BABAM2: variants seen among roughly 807,000 people sequenced by gnomAD.
BABAM2 encodes the protein BRISC and BRCA1-A complex member 2.
Under a neutral mutation model 54.7 loss-of-function variants are expected in BABAM2, and 31 were observed. That is an observed-to-expected ratio of 0.57 (90% CI 0.43 to 0.77). BABAM2 has a LOEUF of 0.77. BABAM2 is among the 30% of genes least tolerant of loss of function. The pLI is 0.00. For missense variants in BABAM2, 364 were observed against 455.8 expected, an observed-to-expected ratio of 0.80 and a Z score of 1.83; for synonymous variants, 167 against 162.9, an observed-to-expected ratio of 1.03 and a Z score of -0.19.
chr2:28,240,167 C>T (rs1415445209), intron 8 of BABAM2, among the ~76,000 whole-genome samples: 1 of 151,564 alleles, frequency 6.6e-6, no homozygotes, highest in Non-Finnish European at 1.5e-5. Flanking sequence ...GTCGCCCAGG[C>T]TGGGGTGCAG....
intron 2 of BABAM2, among the ~76,000 whole-genome samples, chr2:27,926,103 T>C (rs1165856190): frequency 2.0e-5 from 3 of 152,034 alleles, no homozygotes; most frequent in Admixed American, 6.6e-5. Flanking sequence ...CTTTTTTTTT[T>C]TTTCTGTACA....
chr2:28,183,898 C>T (rs111354745), intron 7 of BABAM2, among the ~76,000 whole-genome samples: 4 of 152,068 alleles, frequency 2.6e-5, no homozygotes, highest in Non-Finnish European at 5.9e-5. Context: ...AGTTGTTTTT[C>T]GTCTCCTTTG....
At chr2:27,910,773 T>C (rs2148303597) in intron 2 of BABAM2, among the ~76,000 whole-genome samples, 1 of 152,358 alleles carries the variant, frequency 6.6e-6, no homozygotes, top group Admixed American at 6.5e-5. Context: ...TTTTTCTGGC[T>C]GAGCAATGAG....
intron 7 of BABAM2, among the ~76,000 whole-genome samples, chr2:28,160,193 G>A (rs1440310562): frequency 6.6e-6 from 1 of 152,018 alleles, no homozygotes; most frequent in Non-Finnish European, 1.5e-5. Context: ...AGTTGCTCAG[G>A]CCAGTCTTGA....
At chr2:28,040,307 T>TTTTTTTTTTTTTTC (rs1676982364) in intron 5 of BABAM2, among the ~76,000 whole-genome samples, 1 of 109,422 alleles carries the variant, frequency 9.1e-6, no homozygotes, top group African/African-American at 3.4e-5. Context: ...TTTTTTTTTT[T>TTTTTTTTTTTTTTC]TTTTTTTTTT....
At chr2:28,266,019 A>G (rs112344307) in intron 10 of BABAM2, among the ~76,000 whole-genome samples, 4,146 of 151,086 alleles carry the variant, frequency 0.027, 167 homozygotes, top group African/African-American at 0.096. Flanking sequence ...GGGACTCACT[A>G]TGTTGCCCAG....
At chr2:27,959,874 T>A (rs1046400228) in intron 3 of BABAM2, among the ~76,000 whole-genome samples, 3 of 152,174 alleles carry the variant, frequency 2.0e-5, no homozygotes, top group Non-Finnish European at 4.4e-5. Context: ...CTAGAGCTTG[T>A]GTGTCTTTAA....
At chr2:28,013,533 A>G (rs756704163) in intron 4 of BABAM2, among the ~76,000 whole-genome samples, 3 of 152,026 alleles carry the variant, frequency 2.0e-5, no homozygotes, top group Non-Finnish European at 4.4e-5. Context: ...CCCAAGACAT[A>G]TGTCCTCCTC....
At chr2:28,145,900 G>A (rs1219002773) in intron 7 of BABAM2, among the ~76,000 whole-genome samples, 1 of 152,072 alleles carries the variant, frequency 6.6e-6, no homozygotes, top group Non-Finnish European at 1.5e-5. Flanking sequence ...GTTTTAGCAT[G>A]TATCAATACT....
chr2:27,897,538 C>CT (rs899445826), intron 2 of BABAM2, among the ~76,000 whole-genome samples: 55 of 146,170 alleles, frequency 3.8e-4, no homozygotes, highest in East Asian at 4.0e-4. Context: ...ACAGTTTTAA[C>CT]TTTTTTTTTT....
At chr2:28,157,848 A>C (rs1029865364) in intron 7 of BABAM2, among the ~76,000 whole-genome samples, 4 of 152,126 alleles carry the variant, frequency 2.6e-5, no homozygotes, top group Non-Finnish European at 4.4e-5. Flanking sequence ...TGACCTCGTG[A>C]TCTGCCAGCC....
chr2:28,170,180 T>G (rs921889880), intron 7 of BABAM2, among the ~76,000 whole-genome samples: 6 of 152,120 alleles, frequency 3.9e-5, no homozygotes, highest in Admixed American at 3.3e-4. Flanking sequence ...GGTGATAATT[T>G]ATTAAAACAG....
At chr2:28,320,127 C>A (rs569323735) in intron 11 of BABAM2, among the ~76,000 whole-genome samples, 22 of 152,330 alleles carry the variant, frequency 1.4e-4, no homozygotes, top group South Asian at 1.2e-3. Context: ...TGAAAGACTC[C>A]TGTCCTACCC....
At chr2:27,992,680 G>A (rs2148495016) in intron 4 of BABAM2, among the ~76,000 whole-genome samples, 1 of 152,230 alleles carries the variant, frequency 6.6e-6, no homozygotes, top group South Asian at 2.1e-4. Flanking sequence ...AAATAATCTA[G>A]AAGAAGTTAA....
chr2:28,115,518 C>T (rs370322569), intron 6 of BABAM2, among the ~76,000 whole-genome samples: 12 of 151,860 alleles, frequency 7.9e-5, no homozygotes, highest in Admixed American at 4.6e-4. Flanking sequence ...CCCAGCTACT[C>T]GGGAGGCGGA....
chr2:28,172,635 A>T (rs1160894607), intron 7 of BABAM2, among the ~76,000 whole-genome samples: 2 of 152,146 alleles, frequency 1.3e-5, no homozygotes, highest in Non-Finnish European at 2.9e-5. Context: ...TTCTCAGAGT[A>T]CTGTGTGTAT....
At chr2:27,993,478 C>T (rs926954092) in intron 4 of BABAM2, among the ~76,000 whole-genome samples, 12 of 151,986 alleles carry the variant, frequency 7.9e-5, no homozygotes, top group African/African-American at 2.4e-4. Context: ...TGATTTTCAG[C>T]CTTTGTTTTG....
At chr2:27,902,426 G>T (rs1298201010) in intron 2 of BABAM2, among the ~76,000 whole-genome samples, 1 of 152,152 alleles carries the variant, frequency 6.6e-6, no homozygotes, top group Non-Finnish European at 1.5e-5. Flanking sequence ...TATATTCCTA[G>T]AAATAGAATT....
At position 27,943,149 on chromosome 2, in the gene BABAM2, G is replaced by A. The variant is rs1047825885; in HGVS notation, c.205+13241G>A. Reference sequence around the variant, plus strand: ...CCAAAAGCTGGCCGTTGTGACTATAGCTGTTGGCATTTTTGTTGGGATGAC... The same window carrying A: ...CCAAAAGCTGGCCGTTGTGACTATAACTGTTGGCATTTTTGTTGGGATGAC... On this transcript the variant is annotated intron_variant, in intron 3 of 11. Coordinates refer to ENST00000379624, the MANE Select transcript of BABAM2 (RefSeq NM_199191.3). Among the ~76,000 whole-genome samples the A allele has an allele frequency of 1.2e-4, 19 of 152,140 alleles. 1 individual carries two copies. Among genetic ancestry groups the A allele is most frequent in the African/African-American group, 3.6e-4 (15 of 41,436 alleles).
Sources: allele counts gnomAD v4.1 joint callset (sites outside exome capture counted in the v4.1 genomes callset), GRCh38; gene constraint gnomAD v4.1.1; transcripts MANE v1.5; gene names NCBI Gene and HGNC (gene_info 2026-07-23, HGNC 2026-07-21).